DRD3: variants seen among roughly 807,000 people sequenced by gnomAD.
DRD3 encodes D(3) dopamine receptor.
A neutral mutation model predicts 36.3 loss-of-function variants in DRD3; 19 were observed. That is an observed-to-expected ratio of 0.52 (90% CI 0.36 to 0.77). DRD3 has a LOEUF of 0.77. DRD3 is among the 30% of genes least tolerant of loss of function. The pLI is 0.00. For synonymous variants in DRD3, 195 were observed against 203.7 expected, an observed-to-expected ratio of 0.96 and a Z score of 0.36; for missense variants, 465 against 505.3, an observed-to-expected ratio of 0.92 and a Z score of 0.77.
At chr3:114,144,121 C>T (rs1440844830) in intron 4 of DRD3, among the ~76,000 whole-genome samples, 1 of 152,198 alleles carries the variant, frequency 6.6e-6, no homozygotes, top group African/African-American at 2.4e-5. Flanking sequence ...AGGCCCCTGC[C>T]TCGGAACTCT....
At chr3:114,172,172 G>A in intron 1 of DRD3, 145 bp from the exon 2 acceptor site, 2 of 592,204 alleles carry the variant, frequency 3.4e-6, no homozygotes, top group Admixed American at 8.4e-5. Flanking sequence ...TGGAGATAGA[G>A]CAATGAACAA....
In DRD3 at chr3:114,158,655, A is replaced by G. The variant is rs915813970; in HGVS notation, c.383+1100T>C. ...TTTGAAGGTAGCCAATGTTTATACCATAAAATAACAGTACCTAAGATAATA... is the reference window on the plus strand; with the variant it reads ...TTTGAAGGTAGCCAATGTTTATACCGTAAAATAACAGTACCTAAGATAATA... On this transcript the variant is annotated intron_variant, in intron 3 of 6. Coordinates refer to ENST00000383673, the MANE Select transcript of DRD3 (RefSeq NM_000796.6). Among the ~76,000 whole-genome samples the G allele has an allele frequency of 3.9e-5, 6 of 152,260 alleles. 1 individual carries two copies. Among genetic ancestry groups the G allele is most frequent in the Non-Finnish European group, 8.8e-5 (6 of 68,038 alleles).
chr3:114,161,240 A>G lies in DRD3; in HGVS notation c.271-1373T>C, dbSNP rs143322789. Among the ~76,000 whole-genome samples the G allele has an allele frequency of 5.3e-5, 8 of 152,320 alleles. No homozygotes were observed. The East Asian group carries it at 1.5e-3, about 29-fold the overall frequency. ...ACAGGCCCAATGGCCATTTAAGAGG[A>G]AGAAAGAGTGAAAAATGGTACAGTA... On this transcript the variant is annotated intron_variant, in intron 2 of 6. Coordinates refer to ENST00000383673, the MANE Select transcript of DRD3 (RefSeq NM_000796.6).
intron 5 of DRD3, among the ~76,000 whole-genome samples, chr3:114,133,116 A>G (rs1433410529): frequency 6.6e-6 from 1 of 151,436 alleles, no homozygotes; most frequent in African/African-American, 2.4e-5. Flanking sequence ...TCAGCCTCCC[A>G]AGTAGCTGGG....
chr3:114,190,119 G>A (rs2077996230), intron 1 of DRD3, among the ~76,000 whole-genome samples: 1 of 151,874 alleles, frequency 6.6e-6, no homozygotes, highest in Admixed American at 6.6e-5. Context: ...ACATACTTTA[G>A]ATAGAGCCAG....
intron 3 of DRD3, among the ~76,000 whole-genome samples, chr3:114,149,892 C>T (rs1296511369): frequency 6.6e-6 from 1 of 152,094 alleles, no homozygotes; most frequent in Non-Finnish European, 1.5e-5. Context: ...GGACCTCAGG[C>T]TCCAGATGAG....
At chr3:114,186,867 A>T (rs1294836841) in intron 1 of DRD3, among the ~76,000 whole-genome samples, 2 of 152,198 alleles carry the variant, frequency 1.3e-5, no homozygotes, top group Non-Finnish European at 2.9e-5. Context: ...TTCTGAAATC[A>T]TCCCCTTTTT....
intron 1 of DRD3, among the ~76,000 whole-genome samples, chr3:114,193,917 T>C (rs1186293939): frequency 6.6e-6 from 1 of 152,248 alleles, no homozygotes; most frequent in African/African-American, 2.4e-5. Flanking sequence ...TGAGTAGATA[T>C]AACTTAGATT....
chr3:114,162,203 C>A (rs976856812), intron 2 of DRD3, among the ~76,000 whole-genome samples: 2 of 152,168 alleles, frequency 1.3e-5, no homozygotes, highest in African/African-American at 2.4e-5. Flanking sequence ...TCATGATATC[C>A]TAATATTGTT....
chr3:114,150,667 C>A (rs909310992), intron 3 of DRD3, among the ~76,000 whole-genome samples: 10 of 152,180 alleles, frequency 6.6e-5, no homozygotes, highest in South Asian at 4.1e-4. Context: ...AATGGCTCAA[C>A]ATTTTTTGTC....
At chr3:114,180,901 G>A (rs182539493), upstream of DRD3, among the ~76,000 whole-genome samples, 181 of 152,290 alleles carry the variant, frequency 1.2e-3, 5 homozygotes, top group South Asian at 0.022. Context: ...TGTTATGTGA[G>A]CAGAATGAAG....
intron 2 of DRD3, among the ~76,000 whole-genome samples, chr3:114,170,609 C>T (rs1196606289): frequency 1.3e-5 from 2 of 150,980 alleles, no homozygotes; most frequent in Non-Finnish European, 2.9e-5. Context: ...TTTTTTCTCT[C>T]TTTATGTCTC....
intron 5 of DRD3, among the ~76,000 whole-genome samples, chr3:114,133,411 A>G (rs1208179729): frequency 1.3e-5 from 2 of 152,182 alleles, no homozygotes; most frequent in Non-Finnish European, 2.9e-5. Context: ...TGTAGATGAA[A>G]TAAGACTGAC....
At chr3:114,156,591 A>T (rs981661200) in intron 3 of DRD3, among the ~76,000 whole-genome samples, 2 of 152,030 alleles carry the variant, frequency 1.3e-5, no homozygotes, top group African/African-American at 4.8e-5. Context: ...TAGCACTATC[A>T]AAATCATTCC....
Position 114,159,867 on chromosome 3 carries a change from C to T in DRD3, c.271G>A (p.Val91Met). 1.2e-6 allele frequency: 2 copies of T among 1,613,864 alleles called. No individual in the cohort carries two copies. The highest frequency in any genetic ancestry group is 1.6e-4 in the Middle Eastern group (1 of 6,062). Reference sequence around the variant, plus strand: ...CTGAAATTCCAGACTCCACCTGTCACCTGGGTATCAGAGACAAGGATGTTA... The same window carrying T: ...CTGAAATTCCAGACTCCACCTGTCATCTGGGTATCAGAGACAAGGATGTTA... ...LVMPWVVYLE[V>M]TGGVWNFSRI... Residue 91 changes from valine (V) to methionine (M), a missense_variant and splice_region_variant, in exon 3 of 7, where the codon GTG becomes ATG. Transcript: ENST00000383673.
At chr3:114,197,277 A>ATTTTT (rs58452737) in intron 1 of DRD3, among the ~76,000 whole-genome samples, 117 of 89,356 alleles carry the variant, frequency 1.3e-3, no homozygotes, top group Non-Finnish European at 1.9e-3. Flanking sequence ...AATTAAAAAA[A>ATTTTT]TTTTTTTTTT....
intron 4 of DRD3, among the ~76,000 whole-genome samples, chr3:114,145,160 G>C (rs963539281): frequency 1.3e-5 from 2 of 152,040 alleles, no homozygotes; most frequent in African/African-American, 2.4e-5. Flanking sequence ...TTTGGCTAGA[G>C]GGTAAGAAGT....
intron 2 of DRD3, among the ~76,000 whole-genome samples, chr3:114,161,061 C>A (rs1027221005): frequency 3.3e-5 from 5 of 151,998 alleles, no homozygotes; most frequent in African/African-American, 9.7e-5. Flanking sequence ...AAATGTCCAC[C>A]AAAGGCCACT....
At chr3:114,151,403 G>A (rs2077616434) in intron 3 of DRD3, among the ~76,000 whole-genome samples, 1 of 152,110 alleles carries the variant, frequency 6.6e-6, no homozygotes, top group Admixed American at 6.5e-5. Flanking sequence ...GCTGGTAAAT[G>A]GCTAACAACA....
Sources: gnomAD v4.1 joint callset for allele counts (sites outside exome capture counted in the v4.1 genomes callset) on GRCh38, gnomAD v4.1.1 for gene constraint, MANE v1.5 for transcripts, NCBI Gene and HGNC (gene_info 2026-07-23, HGNC 2026-07-21) for gene names.